LGSN: variants seen among roughly 807,000 people sequenced by gnomAD.
LGSN encodes lengsin.
LGSN carries 21 observed loss-of-function variants against 19.5 expected under a neutral mutation model. The observed-to-expected ratio is 1.07, with a 90% confidence interval of 0.76 to 1.55. LGSN has a LOEUF of 1.55. Ranked by LOEUF, LGSN falls within the 40% of genes most tolerant of loss-of-function variation. The pLI is 0.00. For synonymous variants in LGSN, 257 were observed against 215.6 expected (o/e 1.19, Z -1.68); for missense variants, 673 against 608.5 (o/e 1.11, Z -1.12).
Position 63,307,615 on chromosome 6 carries a change from A to G in LGSN, c.30+12299T>C, listed in dbSNP as rs146757832. Among the ~76,000 whole-genome samples the G allele has an allele frequency of 2.9e-3, 448 of 152,350 alleles. 3 individuals carry two copies. The highest frequency in any genetic ancestry group is 0.01 in the African/African-American group (424 of 41,578). On this transcript the variant is annotated intron_variant, in intron 1 of 3. Transcript: ENST00000370657. ...TCAGTTTAGAAATATTTGACCATTTATCAAGTACTCAGTGGTGCAGCTCTC... is the reference window on the plus strand; with the variant it reads ...TCAGTTTAGAAATATTTGACCATTTGTCAAGTACTCAGTGGTGCAGCTCTC...
the LGSN span, among the ~76,000 whole-genome samples, chr6:63,445,026 T>G: frequency 6.6e-6 from 1 of 152,266 alleles, no homozygotes; most frequent in South Asian, 2.1e-4. Flanking sequence ...TATAAGAATC[T>G]CATAGCCTGG....
the LGSN span, among the ~76,000 whole-genome samples, chr6:63,471,369 A>C: frequency 6.6e-6 from 1 of 152,026 alleles, no homozygotes; most frequent in East Asian, 1.9e-4. Context: ...TAGTTGGCTA[A>C]ATATCAGTAA....
At chr6:63,325,877 C>T in the LGSN span, among the ~76,000 whole-genome samples, 1 of 152,140 alleles carries the variant, frequency 6.6e-6, no homozygotes, top group Non-Finnish European at 1.5e-5. Flanking sequence ...AAGAACAAAG[C>T]TTCCACAGTG....
At chr6:63,511,273 G>A in the LGSN span, among the ~76,000 whole-genome samples, 1 of 133,362 alleles carries the variant, frequency 7.5e-6, no homozygotes, top group African/African-American at 2.7e-5. Flanking sequence ...TTTTTTTTGA[G>A]ATGGAGTTTC....
At chr6:63,533,832 T>TTGAA in the LGSN span, among the ~76,000 whole-genome samples, 1 of 149,768 alleles carries the variant, frequency 6.7e-6, no homozygotes, top group African/African-American at 2.5e-5. Context: ...AACAAACTTT[T>TTGAA]TTAATTAATT....
At chr6:63,429,572 C>T in the LGSN span, among the ~76,000 whole-genome samples, 1 of 152,000 alleles carries the variant, frequency 6.6e-6, no homozygotes, top group South Asian at 2.1e-4. Flanking sequence ...CCCATCTCTA[C>T]TAAAATCACA....
At chr6:63,441,821 C>G in the LGSN span, 1 of 314,458 alleles carries the variant, frequency 3.2e-6, no homozygotes, top group South Asian at 2.9e-5. Context: ...GCTGCTGCTG[C>G]TGCTTTGTGC....
the LGSN span, among the ~76,000 whole-genome samples, chr6:63,351,340 G>GA: frequency 6.6e-6 from 1 of 151,610 alleles, no homozygotes; most frequent in African/African-American, 2.4e-5. Flanking sequence ...CAAAAGGAAG[G>GA]AAAAAAAGCA....
At chr6:63,534,596 C>T in the LGSN span, among the ~76,000 whole-genome samples, 1 of 151,946 alleles carries the variant, frequency 6.6e-6, no homozygotes, top group Non-Finnish European at 1.5e-5. Flanking sequence ...TAGAGAATTG[C>T]TTGAGCCCAA....
chr6:63,330,015 G>A, the LGSN span, among the ~76,000 whole-genome samples: 21 of 152,248 alleles, frequency 1.4e-4, no homozygotes, highest in East Asian at 1.4e-3. Flanking sequence ...AAACATACCC[G>A]GGGCTCAGTG....
At chr6:63,460,939 G>A in the LGSN span, among the ~76,000 whole-genome samples, 1 of 152,158 alleles carries the variant, frequency 6.6e-6, no homozygotes, top group African/African-American at 2.4e-5. Flanking sequence ...TAGTACCACA[G>A]GCATCAAAGT....
At chr6:63,414,089 T>C in the LGSN span, among the ~76,000 whole-genome samples, 1 of 152,164 alleles carries the variant, frequency 6.6e-6, no homozygotes, top group South Asian at 2.1e-4. Context: ...TTCTGCTTCA[T>C]AACTATGATC....
At chr6:63,346,069 G>A in the LGSN span, among the ~76,000 whole-genome samples, 6 of 152,004 alleles carry the variant, frequency 3.9e-5, no homozygotes, top group Non-Finnish European at 8.8e-5. Flanking sequence ...CTCTGTCCCC[G>A]GTTCCTGGCA....
intron 1 of LGSN, among the ~76,000 whole-genome samples, chr6:63,309,222 A>G (rs555742171): frequency 1.2e-3 from 181 of 152,304 alleles, no homozygotes; most frequent in South Asian, 2.9e-3. Flanking sequence ...ACCTGAGGTC[A>G]GGAGTTTGAG....
chr6:63,426,502 G>GATTTATTTATTTATTTATTTATTTATTT, the LGSN span, among the ~76,000 whole-genome samples: 2 of 151,742 alleles, frequency 1.3e-5, no homozygotes, highest in African/African-American at 4.9e-5. Flanking sequence ...AAGTTATTTA[G>GATTTATTTATTTATTTATTTATTTATTT]ATTTATTTAT....
chr6:63,371,204 AC>A, the LGSN span, among the ~76,000 whole-genome samples: 1 of 152,232 alleles, frequency 6.6e-6, no homozygotes, highest in Non-Finnish European at 1.5e-5. Context: ...TAGTTAAAAA[AC>A]ATCCTAGAAC....
At chr6:63,426,917 T>C in the LGSN span, among the ~76,000 whole-genome samples, 8 of 152,216 alleles carry the variant, frequency 5.3e-5, no homozygotes, top group African/African-American at 1.7e-4. Context: ...ATAAAATCAA[T>C]GTGTCCTGTC....
chr6:63,557,127 A>G, the LGSN span, among the ~76,000 whole-genome samples: 2 of 152,200 alleles, frequency 1.3e-5, no homozygotes, highest in Non-Finnish European at 2.9e-5. Flanking sequence ...GAATTCTTCA[A>G]AGGGTGTGAG....
chr6:63,353,302 T>TAGGCAAC, the LGSN span, among the ~76,000 whole-genome samples: 1 of 151,900 alleles, frequency 6.6e-6, no homozygotes, highest in Non-Finnish European at 1.5e-5. Context: ...CAAGAGGCAA[T>TAGGCAAC]AGGCAACATC....
Sources: allele counts gnomAD v4.1 joint callset (sites outside exome capture counted in the v4.1 genomes callset), GRCh38; gene constraint gnomAD v4.1.1; transcripts MANE v1.5; gene names NCBI Gene and HGNC (gene_info 2026-07-23, HGNC 2026-07-21).